The following LRRC1 variants were observed in gnomAD, a reference collection of about 807,000 sequenced individuals.
LRRC1 encodes leucine rich repeat containing 1.
A neutral mutation model predicts 69.9 loss-of-function variants in LRRC1; 28 were observed. The observed-to-expected ratio is 0.40, with a 90% CI of 0.30 to 0.55. The LOEUF (loss-of-function observed/expected upper bound fraction) is 0.55. Among genes scored for constraint, LRRC1 ranks in the 20% least tolerant of loss-of-function variants. The pLI is 0.47. For missense variants in LRRC1, 498 were observed against 609.0 expected (o/e 0.82, Z 1.92); for synonymous variants, 236 against 240.2 (o/e 0.98, Z 0.16).
At chr6:53,842,343 T>A (rs1765818082) in intron 2 of LRRC1, 116 bp downstream of exon 2, 2 of 673,216 alleles carry the variant, frequency 3.0e-6, no homozygotes, top group Non-Finnish European at 5.3e-6. Context: ...CTTGTGATAG[T>A]TCGCTGAGAA....
chr6:53,891,695 T>G (rs777346098), intron 4 of LRRC1, among the ~76,000 whole-genome samples: 5 of 152,034 alleles, frequency 3.3e-5, no homozygotes, highest in Non-Finnish European at 7.4e-5. Context: ...TAAATATATA[T>G]AAATTGGCCG....
chr6:53,860,253 A>AG (rs1766451570), intron 2 of LRRC1, among the ~76,000 whole-genome samples: 1 of 152,252 alleles, frequency 6.6e-6, no homozygotes, highest in Non-Finnish European at 1.5e-5. Context: ...ATTCTAAAAA[A>AG]GGACTAAAAC....
intron 2 of LRRC1, among the ~76,000 whole-genome samples, chr6:53,876,309 G>T (rs552768154): frequency 6.6e-6 from 1 of 151,526 alleles, no homozygotes; most frequent in African/African-American, 2.4e-5. Context: ...CCTCCTACCG[G>T]GTCCCTCCCA....
chr6:53,795,359 G>T lies in LRRC1; in HGVS notation c.103G>T (p.Ala35Ser). Reference protein sequence around the residue: ...VYVPEEIYRYARSLEELLLDA... With the variant: ...VYVPEEIYRYSRSLEELLLDA... The stretch of plus-strand genomic sequence containing the variant: ...CGTCCCCGAGGAGATCTACCGCTAT[G>T]CCCGGAGCCTGGAGGAGCTGCTGCT... The change falls in exon 1 of 14, where the codon GCC (alanine) becomes TCC (serine). Residue 35 changes from alanine (A) to serine (S), a missense_variant. By Grantham distance (99) the Ala-to-Ser change is moderately conservative. Around this residue, in one of 3 missense-constraint regions of LRRC1, gnomAD observed 70 missense variants for 62.1 expected, o/e 1.13. Coordinates refer to ENST00000370888, the MANE Select transcript of LRRC1 (RefSeq NM_018214.5). The T allele has an allele frequency of 6.2e-7, 1 of 1,613,772 alleles. No individual in the cohort carries two copies.
intron 1 of LRRC1, among the ~76,000 whole-genome samples, chr6:53,807,362 CTCTG>C (rs761644162): frequency 6.6e-6 from 1 of 152,208 alleles, no homozygotes; most frequent in Non-Finnish European, 1.5e-5. Flanking sequence ...GCAAATAAAT[CTCTG>C]TCTGTATGGA....
At chr6:53,872,260 T>TA (rs1325646600) in intron 2 of LRRC1, among the ~76,000 whole-genome samples, 2 of 152,168 alleles carry the variant, frequency 1.3e-5, no homozygotes, top group African/African-American at 4.8e-5. Context: ...TTCTGTTTTT[T>TA]AAAAAAAATT....
intron 2 of LRRC1, among the ~76,000 whole-genome samples, chr6:53,857,587 C>T (rs538950076): frequency 3.3e-5 from 5 of 152,104 alleles, no homozygotes; most frequent in East Asian, 3.9e-4. Flanking sequence ...AAGAAATTCT[C>T]GAGAGCTTTT....
intron 4 of LRRC1, among the ~76,000 whole-genome samples, chr6:53,894,777 T>C (rs1188197154): frequency 1.3e-5 from 2 of 152,170 alleles, no homozygotes; most frequent in African/African-American, 2.4e-5. Flanking sequence ...GTGGTGTACA[T>C]CTCATCCTCC....
At position 53,922,725 on chromosome 6, in the gene LRRC1, G is replaced by A; in HGVS notation, c.1507G>A (p.Ala503Thr). 1.2e-6 allele frequency: 2 copies of A among 1,614,078 alleles called. No individual in the cohort carries two copies. Among genetic ancestry groups the A allele is most frequent in the Non-Finnish European group, 1.7e-6 (2 of 1,179,934 alleles). Reference sequence around the variant, plus strand: ...GAATTTACGGAATGACATGAATGCTGCTAAAGGACTGGACTCAAACAAAAA... The same window carrying A: ...GAATTTACGGAATGACATGAATGCTACTAAAGGACTGGACTCAAACAAAAA... Reference protein sequence around the residue: ...VENLRNDMNAAKGLDSNKNEV... With the variant: ...VENLRNDMNATKGLDSNKNEV... Residue 503 changes from alanine (A) to threonine (T), a missense_variant, in exon 14 of 14, where the codon GCT becomes ACT. Physicochemically the swap from Ala to Thr is moderately conservative, Grantham distance 58. Around this residue, in one of 3 missense-constraint regions of LRRC1, gnomAD observed 162 missense variants for 162.9 expected, o/e 0.99. Transcript: ENST00000370888.
At chr6:53,890,614 C>T (rs1229143187) in intron 4 of LRRC1, among the ~76,000 whole-genome samples, 1 of 151,678 alleles carries the variant, frequency 6.6e-6, no homozygotes, top group Non-Finnish European at 1.5e-5. Flanking sequence ...TTTTTTGAGT[C>T]CTGGGAATTA....
chr6:53,884,995 T>C (rs1346346496), intron 4 of LRRC1, among the ~76,000 whole-genome samples: 2 of 152,192 alleles, frequency 1.3e-5, no homozygotes, highest in Non-Finnish European at 2.9e-5. Flanking sequence ...ATCTTGAAAT[T>C]GACTGATTCT....
chr6:53,803,626 C>A (rs560122852), intron 1 of LRRC1, among the ~76,000 whole-genome samples: 1 of 151,792 alleles, frequency 6.6e-6, no homozygotes, highest in Non-Finnish European at 1.5e-5. Flanking sequence ...ACGTTGGACT[C>A]CTAAAATAAG....
At chr6:53,835,168 A>G (rs1449225772) in intron 1 of LRRC1, among the ~76,000 whole-genome samples, 2 of 152,202 alleles carry the variant, frequency 1.3e-5, no homozygotes, top group Non-Finnish European at 2.9e-5. Flanking sequence ...TTGTGCAACC[A>G]TTACCGCAAT....
At chr6:53,807,796 G>A (rs1031012826) in intron 1 of LRRC1, among the ~76,000 whole-genome samples, 2 of 152,100 alleles carry the variant, frequency 1.3e-5, no homozygotes, top group African/African-American at 4.8e-5. Flanking sequence ...CCCAAAACAA[G>A]GAAGTACTGT....
chr6:53,854,841 G>C (rs1766259601), intron 2 of LRRC1, among the ~76,000 whole-genome samples: 1 of 152,134 alleles, frequency 6.6e-6, no homozygotes, highest in Admixed American at 6.5e-5. Flanking sequence ...CTTAACATAG[G>C]TTGTAAGCAT....
At chr6:53,853,977 C>T (rs1182377524) in intron 2 of LRRC1, among the ~76,000 whole-genome samples, 1 of 152,180 alleles carries the variant, frequency 6.6e-6, no homozygotes, top group African/African-American at 2.4e-5. Flanking sequence ...AGGTGATACA[C>T]TAACGTGATG....
intron 13 of LRRC1, among the ~76,000 whole-genome samples, chr6:53,921,125 G>T (rs184398000): frequency 6.9e-4 from 105 of 152,138 alleles, no homozygotes; most frequent in Admixed American, 4.9e-3. Context: ...CTGCCACCAT[G>T]ACCGGCTAAT....
intron 1 of LRRC1, among the ~76,000 whole-genome samples, chr6:53,841,275 A>C (rs1000679376): frequency 6.6e-6 from 1 of 152,174 alleles, no homozygotes; most frequent in Non-Finnish European, 1.5e-5. Flanking sequence ...TTAACTGTTC[A>C]TTATATAAAT....
rs916789292 is a variant in LRRC1 at position 53,795,184 on chromosome 6, C to G, written c.-73C>G. On this transcript the variant is annotated 5_prime_UTR_variant, in exon 1 of 14. Transcript: ENST00000370888. Reference sequence around the variant, plus strand: ...GGAGAGGGCAGCGGACTGAGCGGAGCCGCCGGCCAGAGCGGGCTCGGAGCC... The same window carrying G: ...GGAGAGGGCAGCGGACTGAGCGGAGGCGCCGGCCAGAGCGGGCTCGGAGCC... The G allele has an allele frequency of 4.7e-5, 65 of 1,387,584 alleles. No individual in the cohort carries two copies. Among genetic ancestry groups the G allele is most frequent in the Non-Finnish European group, 6.2e-5 (64 of 1,036,944 alleles). The allele number at this position is 1,387,584 out of a possible 1,614,324, so 86.0% of individuals were successfully genotyped here.
Sources: allele counts gnomAD v4.1 joint callset (sites outside exome capture counted in the v4.1 genomes callset), GRCh38; gene constraint gnomAD v4.1.1; regional missense constraint gnomAD v4.1.1; transcripts MANE v1.5; gene names NCBI Gene and HGNC (gene_info 2026-07-23, HGNC 2026-07-21).